Variants in INTS8 observed in about 807,000 individuals in gnomAD.
INTS8 encodes protein kaonashi-1.
In INTS8, 47 loss-of-function variants were observed where a neutral mutation model predicts 138.9. The observed-to-expected ratio is 0.34, with a 90% confidence interval of 0.27 to 0.43. The LOEUF (loss-of-function observed/expected upper bound fraction) is 0.43, where lower values mean the gene tolerates loss of function less well. Among genes scored for constraint, INTS8 ranks in the 20% least tolerant of loss-of-function variants. INTS8 has a pLI of 1.00. For synonymous variants in INTS8, 392 were observed against 400.9 expected (o/e 0.98, Z 0.27); for missense variants, 996 against 1,173.0 (o/e 0.85, Z 2.20).
intron 20 of INTS8, chr8:94,868,607 A>G (rs1189850369): frequency 1.3e-5 from 2 of 152,276 alleles, no homozygotes; most frequent in East Asian, 3.9e-4. Context: ...TTTATATAAA[A>G]TCTGTTGTTA....
At chr8:94,863,887 C>T (rs1262962574) in intron 16 of INTS8, among the ~76,000 whole-genome samples, 1 of 152,108 alleles carries the variant, frequency 6.6e-6, no homozygotes, top group African/African-American at 2.4e-5. Flanking sequence ...AAATATCCTG[C>T]TAGGCCATTG....
chr8:94,827,853 T>G (rs1363903560), intron 4 of INTS8, 60 bp downstream of exon 4: 1 of 1,341,622 alleles, frequency 7.5e-7, no homozygotes, highest in Non-Finnish European at 1.1e-6. Flanking sequence ...TAAAAATGTT[T>G]GCAAGTTTTT....
At position 94,881,630 on chromosome 8, in the gene INTS8, C is replaced by CTT; in HGVS notation, c.*1398_*1399dup. ...TCCAACTTGTTTGCTTAGTTATCTT[C>CTT]TTTAGTGTTTTCCTGGTGGTTTTTC... On this transcript the variant is annotated 3_prime_UTR_variant, in exon 27 of 27. Transcript: ENST00000523731. The CTT allele has an allele frequency of 6.2e-7, 1 of 1,612,428 alleles. No homozygotes were observed. The highest frequency in any genetic ancestry group is 8.5e-7 in the Non-Finnish European group (1 of 1,179,482).
chr8:94,842,303 T>G, intron 9 of INTS8, 44 bp from the exon 10 acceptor site: 1 of 1,333,966 alleles, frequency 7.5e-7, no homozygotes. Context: ...ACCTTTCTTT[T>G]GTAGTAAAAA....
chr8:94,847,284 C>G (rs1236383977), intron 10 of INTS8, among the ~76,000 whole-genome samples: 1 of 152,116 alleles, frequency 6.6e-6, no homozygotes, highest in Admixed American at 6.6e-5. Flanking sequence ...TCAAGTGATC[C>G]TCCCACCTCT....
intron 13 of INTS8, among the ~76,000 whole-genome samples, chr8:94,852,691 C>G (rs1815591702): frequency 6.6e-6 from 1 of 151,794 alleles, no homozygotes; most frequent in Non-Finnish European, 1.5e-5. Context: ...CGGGTTCAAG[C>G]AATTCTCCTT....
At chr8:94,879,100 T>A (rs1816688270) in intron 26 of INTS8, among the ~76,000 whole-genome samples, 1 of 152,134 alleles carries the variant, frequency 6.6e-6, no homozygotes, top group Non-Finnish European at 1.5e-5. Context: ...ACACTTCGGG[T>A]TTTTATAGCC....
At chr8:94,859,126 G>A (rs1815858407) in intron 15 of INTS8, among the ~76,000 whole-genome samples, 1 of 151,888 alleles carries the variant, frequency 6.6e-6, no homozygotes, top group African/African-American at 2.4e-5. Context: ...TTAGCCAGGT[G>A]TGGTAGCATT....
Position 94,851,646 on chromosome 8 carries a change from G to A in INTS8, c.1601G>A (p.Gly534Asp). 6.2e-7 allele frequency: 1 copy of A among 1,603,670 alleles called. No homozygotes were observed. Among genetic ancestry groups the A allele is most frequent in the South Asian group, 1.1e-5 (1 of 89,350 alleles). ...RIRQILIELH[G>D]MTSERQFWTV... ...AGACAAATTTTAATTGAATTACATGGTATGACTTCAGAGCGCCAGTTCTGG... is the reference window on the plus strand; with the variant it reads ...AGACAAATTTTAATTGAATTACATGATATGACTTCAGAGCGCCAGTTCTGG... Residue 534 changes from glycine to aspartate, a missense_variant, in exon 13 of 27, where the codon GGT becomes GAT. Physicochemically the swap from Gly to Asp is moderately conservative, Grantham distance 94. Transcript: ENST00000523731.
intron 16 of INTS8, among the ~76,000 whole-genome samples, chr8:94,862,717 A>T (rs922363992): frequency 1.3e-5 from 2 of 152,176 alleles, no homozygotes; most frequent in East Asian, 1.9e-4. Context: ...CACCTTCCAT[A>T]CATAATTGGC....
chr8:94,872,639 A>C (rs1381858351), intron 21 of INTS8, among the ~76,000 whole-genome samples: 1 of 152,160 alleles, frequency 6.6e-6, no homozygotes, highest in South Asian at 2.1e-4. Context: ...CATTATTTTT[A>C]TTCTTGAAGA....
At position 94,823,708 on chromosome 8, in the gene INTS8, C is replaced by G. The variant is rs563844887; in HGVS notation, c.130+147C>G. ...CCAGCTCCGGCCGGGCTCCTCGCTTCCCTTAAACATGCCCGGGTGGAGGGT... is the reference window on the plus strand; with the variant it reads ...CCAGCTCCGGCCGGGCTCCTCGCTTGCCTTAAACATGCCCGGGTGGAGGGT... On this transcript the variant is annotated intron_variant, in intron 1 of 26. Transcript: ENST00000523731. 78 of 632,294 alleles carry G rather than the reference C, an allele frequency of 1.2e-4. 1 individual carries two copies. In the East Asian group the frequency reaches 2.2e-3, roughly 18 times the overall value. The allele number at this position is 632,294 out of a possible 1,614,324, so 39.2% of individuals were successfully genotyped here.
chr8:94,849,541 C>A lies in INTS8; in HGVS notation c.1331+9C>A, dbSNP rs1287176051. On this transcript the variant is annotated intron_variant, in intron 11 of 26. Transcript: ENST00000523731. ...ATGGCTGCTTTTCTAAAGTAAGTAC[C>A]TTTCTTTTCTTTTTTCTTTTTTTTT... 27 of 1,462,318 alleles carry A rather than the reference C, an allele frequency of 1.8e-5. No individual in the cohort carries two copies. Among genetic ancestry groups the A allele is most frequent in the Non-Finnish European group, 2.5e-5 (27 of 1,071,944 alleles). The allele number at this position is 1,462,318 out of a possible 1,614,324, so 90.6% of individuals were successfully genotyped here.
intron 8 of INTS8, among the ~76,000 whole-genome samples, chr8:94,840,876 A>G (rs1815108428): frequency 6.9e-6 from 1 of 145,736 alleles, no homozygotes; most frequent in Admixed American, 6.9e-5. Flanking sequence ...GTATTTTTTT[A>G]GTTTGTTTTA....
At chr8:94,879,410 G>A (rs1388924991) in intron 26 of INTS8, among the ~76,000 whole-genome samples, 2 of 151,886 alleles carry the variant, frequency 1.3e-5, no homozygotes, top group Non-Finnish European at 1.5e-5. Context: ...CCTGGCCAAC[G>A]TGGTGAAACC....
intron 20 of INTS8, among the ~76,000 whole-genome samples, chr8:94,870,441 A>G (rs1157303790): frequency 6.6e-6 from 1 of 152,248 alleles, no homozygotes; most frequent in African/African-American, 2.4e-5. Context: ...AGTACTTTAA[A>G]TTGACCCAGA....
intron 26 of INTS8, among the ~76,000 whole-genome samples, chr8:94,877,362 T>G (rs1187022649): frequency 6.6e-6 from 1 of 152,228 alleles, no homozygotes; most frequent in Admixed American, 6.5e-5. Context: ...ATATGCCCAT[T>G]GTTTAGAAGA....
At chr8:94,875,923 T>TAA (rs905938672) in intron 23 of INTS8, 151 bp from the exon 24 acceptor site, 4 of 626,702 alleles carry the variant, frequency 6.4e-6, no homozygotes, top group Admixed American at 5.8e-5. Flanking sequence ...GACACGTGTA[T>TAA]AAAGGTTTTT....
At chr8:94,826,333 GTGCAGTGGCGCGATA>G (rs1461666449) in intron 2 of INTS8, among the ~76,000 whole-genome samples, 4 of 151,844 alleles carry the variant, frequency 2.6e-5, no homozygotes, top group African/African-American at 9.7e-5. Context: ...CCAGGCTGGA[GTGCAGTGGCGCGATA>G]TTCGCTCACT....
Sources: gnomAD v4.1 joint callset for allele counts (sites outside exome capture counted in the v4.1 genomes callset) on GRCh38, gnomAD v4.1.1 for gene constraint, MANE v1.5 for transcripts, NCBI Gene and HGNC (gene_info 2026-07-23, HGNC 2026-07-21) for gene names.